Variants in PTPRZ1 observed in about 807,000 individuals in gnomAD.
PTPRZ1 encodes the protein protein tyrosine phosphatase receptor type Z1, also known as receptor-type tyrosine-protein phosphatase zeta.
Under a neutral mutation model 214.1 loss-of-function variants are expected in PTPRZ1, and 82 were observed. That is an observed-to-expected ratio of 0.38 (90% CI 0.32 to 0.46). The LOEUF is 0.46. Ranked by LOEUF, PTPRZ1 falls within the 20% of genes least tolerant of loss-of-function variation. The pLI, the probability that PTPRZ1 is intolerant of heterozygous loss-of-function variation, is 1.00. For missense variants in PTPRZ1, 2,603 were observed against 2,748.7 expected (o/e 0.95, Z 1.19); for synonymous variants, 945 against 987.9 (o/e 0.96, Z 0.81).
At chr7:121,920,767 C>G (rs1166835162) in intron 1 of PTPRZ1, among the ~76,000 whole-genome samples, 1 of 152,136 alleles carries the variant, frequency 6.6e-6, no homozygotes, top group Non-Finnish European at 1.5e-5. Flanking sequence ...ATCGTTTAAG[C>G]TCAAGAAATA....
chr7:122,020,757 T>C (rs746280609), intron 13 of PTPRZ1, among the ~76,000 whole-genome samples: 7 of 152,192 alleles, frequency 4.6e-5, no homozygotes, highest in African/African-American at 1.2e-4. Flanking sequence ...GTCTATTTTG[T>C]TATAATAAGA....
chr7:122,034,435 T>C, intron 17 of PTPRZ1, 57 bp downstream of exon 17: 1 of 1,524,568 alleles, frequency 6.6e-7, no homozygotes, highest in Non-Finnish European at 9.0e-7. Flanking sequence ...TTGGTGCCTT[T>C]TAAAAGTGTC....
chr7:122,059,793 ACC>A lies in PTPRZ1; in HGVS notation c.6714_6715del (p.Leu2239TyrfsTer29), dbSNP rs1336249418. 6.2e-7 allele frequency: 1 copy of A among 1,613,158 alleles called. No homozygotes were observed. On this transcript the variant is annotated frameshift_variant, in exon 29 of 30. Coordinates refer to ENST00000393386, the MANE Select transcript of PTPRZ1 (RefSeq NM_002851.3). LOFTEE classifies it high-confidence loss of function. ...VTAGTFCALT[T>X]LMHQLEKENS... ...GGCAGGAACTTTCTGTGCTCTGACA[ACC>A]CTTATGCACCAACTAGAAAAAGAAA...
chr7:121,974,961 G>A (rs924148895), intron 4 of PTPRZ1, among the ~76,000 whole-genome samples: 1 of 152,134 alleles, frequency 6.6e-6, no homozygotes, highest in Non-Finnish European at 1.5e-5. Flanking sequence ...TGAGGCTGGA[G>A]GATCACTTAA....
rs1798636610 is a variant in PTPRZ1 at position 122,010,897 on chromosome 7, A to G, written c.1851A>G (p.Ile617Met). ...YIFSSENPETITYDVLIPESA... is the reference protein window; with the variant it reads ...YIFSSENPETMTYDVLIPESA... ...TTTCCTCCGAAAACCCAGAGACAAT[A>G]ACATATGATGTCCTTATACCAGAAT... is the stretch of plus-strand genomic sequence containing the variant. The change falls in exon 12 of 30, where the codon ATA becomes ATG. Residue 617 changes from isoleucine to methionine, a missense_variant. Around this residue, in one of 6 missense-constraint regions of PTPRZ1, gnomAD observed 1,913 missense variants for 1,914.3 expected, o/e 1.00. Coordinates refer to ENST00000393386, the MANE Select transcript of PTPRZ1 (RefSeq NM_002851.3). The G allele has an allele frequency of 6.2e-7, 1 of 1,613,986 alleles. No homozygotes were observed. Among genetic ancestry groups the G allele is most frequent in the South Asian group, 1.1e-5 (1 of 91,084 alleles).
chr7:121,919,214 C>G (rs1198790619), intron 1 of PTPRZ1, among the ~76,000 whole-genome samples: 2 of 151,928 alleles, frequency 1.3e-5, no homozygotes, highest in Admixed American at 1.3e-4. Context: ...TAATAATAAA[C>G]CTTTGACAAC....
intron 2 of PTPRZ1, among the ~76,000 whole-genome samples, chr7:121,949,078 C>T (rs1244102201): frequency 3.3e-5 from 5 of 151,710 alleles, no homozygotes; most frequent in Non-Finnish European, 5.9e-5. Context: ...GGACATCAGT[C>T]AACACACACA....
chr7:122,038,685 T>C (rs1799623937), intron 18 of PTPRZ1, 70 bp from the exon 19 acceptor site: 1 of 1,423,722 alleles, frequency 7.0e-7, no homozygotes, highest in African/African-American at 1.4e-5. Flanking sequence ...CCTTAAAAAC[T>C]TAGGCATTGT....
chr7:121,922,536 C>G (rs1023260500), intron 1 of PTPRZ1, among the ~76,000 whole-genome samples: 1 of 152,142 alleles, frequency 6.6e-6, no homozygotes, highest in Non-Finnish European at 1.5e-5. Flanking sequence ...GATCATGCCA[C>G]TGCATTCCAG....
rs138898709 is a variant in PTPRZ1, at chr7:122,039,467, A to G, written c.5516A>G (p.Gln1839Arg). The G allele has an allele frequency of 1.3e-4, 210 of 1,610,396 alleles. No homozygotes were observed. Among genetic ancestry groups the G allele is most frequent in the Non-Finnish European group, 1.7e-4 (195 of 1,179,018 alleles). The change falls in exon 20 of 30, where the codon CAG becomes CGG. Residue 1839 changes from glutamine (Q) to arginine (R), a missense_variant. Coordinates refer to ENST00000393386, the MANE Select transcript of PTPRZ1 (RefSeq NM_002851.3). ...TTTCTTTTGCAGAGAAAATGTGATC[A>G]GTACTGGCCTGCCGATGGGAGTGAG... is the stretch of plus-strand genomic sequence containing the variant. The part of the protein sequence containing the change: ...LVEKGRRKCD[Q>R]YWPADGSEEY...
In PTPRZ1 at chr7:122,061,099, A is replaced by G. The variant is rs1792562137; in HGVS notation, c.6827A>G (p.Tyr2276Cys). ...CTCTAGGAGCAGTATCAGTTTCTCT[A>G]CAAAGTGATCCTCAGCCTTGTGAGC... ...FADIEQYQFLYKVILSLVSTR... is the reference protein window; with the variant it reads ...FADIEQYQFLCKVILSLVSTR... Residue 2276 changes from tyrosine to cysteine, a missense_variant, in exon 30 of 30, where the codon TAC (tyrosine) becomes TGC (cysteine). By Grantham distance (194) the Tyr-to-Cys change is radical. Transcript: ENST00000393386. The G allele has an allele frequency of 6.2e-7, 1 of 1,608,970 alleles. No homozygotes were observed. Among genetic ancestry groups the G allele is most frequent in the African/African-American group, 1.3e-5 (1 of 74,720 alleles).
chr7:122,013,023 TAATA>T lies in PTPRZ1; in HGVS notation c.3983_3986del (p.Asn1328SerfsTer9). 6.2e-7 allele frequency: 1 copy of T among 1,614,070 alleles called. No homozygotes were observed. The highest frequency in any genetic ancestry group is 8.5e-7 in the Non-Finnish European group (1 of 1,179,926). On this transcript the variant is annotated frameshift_variant, in exon 12 of 30. Transcript: ENST00000393386. LOFTEE classifies it high-confidence loss of function. ...TCAATTGATGAACCATTAAATACAC[TAATA>T]AATAAGCTTATACATTCCGATGAAA...
chr7:121,895,190 G>A (rs966712689), intron 1 of PTPRZ1, among the ~76,000 whole-genome samples: 16 of 152,114 alleles, frequency 1.1e-4, no homozygotes, highest in African/African-American at 3.9e-4. Flanking sequence ...ATAAAAATAG[G>A]CATTGGCCTG....
intron 1 of PTPRZ1, among the ~76,000 whole-genome samples, chr7:121,917,364 T>C (rs573218083): frequency 1.3e-5 from 2 of 152,256 alleles, no homozygotes; most frequent in African/African-American, 4.8e-5. Context: ...TCAGGATTTG[T>C]ATTTTCAATG....
At chr7:121,919,124 A>T (rs1014054003) in intron 1 of PTPRZ1, among the ~76,000 whole-genome samples, 15 of 152,026 alleles carry the variant, frequency 9.9e-5, no homozygotes, top group African/African-American at 2.9e-4. Context: ...CTTCCCAGAA[A>T]GTTTATAGTA....
intron 10 of PTPRZ1, among the ~76,000 whole-genome samples, chr7:121,998,257 T>C (rs1584726537): frequency 6.6e-6 from 1 of 152,310 alleles, no homozygotes; most frequent in Non-Finnish European, 1.5e-5. Context: ...TGACTAAACA[T>C]ATTTATAACA....
At chr7:121,969,522 T>A (rs1425698783) in intron 3 of PTPRZ1, among the ~76,000 whole-genome samples, 2 of 144,378 alleles carry the variant, frequency 1.4e-5, no homozygotes, top group Admixed American at 7.1e-5. Flanking sequence ...GATTGTGCCA[T>A]TGCACTCCAG....
At chr7:121,967,910 TA>T (rs1246026974) in intron 2 of PTPRZ1, 40 bp from the exon 3 acceptor site, 1 of 1,399,486 alleles carries the variant, frequency 7.1e-7, no homozygotes, top group African/African-American at 1.5e-5. Flanking sequence ...TTTTGCATGG[TA>T]ATTTAAGAAA....
chr7:121,962,739 A>G (rs1796919464), intron 2 of PTPRZ1, among the ~76,000 whole-genome samples: 1 of 151,262 alleles, frequency 6.6e-6, no homozygotes, highest in South Asian at 2.1e-4. Context: ...TAATTTTTGT[A>G]TTTTTTAGTA....
Sources: allele counts gnomAD v4.1 joint callset (sites outside exome capture counted in the v4.1 genomes callset), GRCh38; gene constraint gnomAD v4.1.1; regional missense constraint gnomAD v4.1.1; transcripts MANE v1.5; gene names NCBI Gene and HGNC (gene_info 2026-07-23, HGNC 2026-07-21).